The following ZNF131 variants were observed in gnomAD, a reference collection of about 807,000 sequenced individuals.
ZNF131 encodes zinc finger and BTB domain containing 35.
In ZNF131, 7 loss-of-function variants were observed where a neutral mutation model predicts 60.0. The observed-to-expected ratio is 0.12, with a 90% confidence interval of 0.07 to 0.22. The LOEUF (loss-of-function observed/expected upper bound fraction) is 0.22, where lower values mean the gene tolerates loss of function less well. Ranked by LOEUF, ZNF131 falls within the 10% of genes least tolerant of loss-of-function variation. ZNF131 has a pLI of 1.00. For synonymous variants in ZNF131, 257 were observed against 253.2 expected, an observed-to-expected ratio of 1.01 and a Z score of -0.14; for missense variants, 493 against 740.9, an observed-to-expected ratio of 0.67 and a Z score of 3.88.
At chr5:43,172,581 C>T (rs1172173021) in intron 5 of ZNF131, among the ~76,000 whole-genome samples, 1 of 150,768 alleles carries the variant, frequency 6.6e-6, no homozygotes, top group Admixed American at 6.6e-5. Flanking sequence ...GAGATTGTGC[C>T]ACTGCACTCC....
chr5:43,122,432 C>T (rs117922447), intron 2 of ZNF131, among the ~76,000 whole-genome samples: 1 of 152,254 alleles, frequency 6.6e-6, no homozygotes, highest in East Asian at 1.9e-4. Flanking sequence ...TTCTTACATC[C>T]TGTTGAGTGC....
chr5:43,129,298 C>G (rs1489138246), intron 3 of ZNF131, among the ~76,000 whole-genome samples: 10 of 152,240 alleles, frequency 6.6e-5, no homozygotes, highest in East Asian at 5.8e-4. Context: ...TCTTGAACTA[C>G]CAGCCTTAAG....
At position 43,127,875 on chromosome 5, in the gene ZNF131, A is replaced by C. The variant is rs557058455; in HGVS notation, c.226+4565A>C. Among the ~76,000 whole-genome samples, 3 of 152,278 alleles carry C rather than the reference A, an allele frequency of 2.0e-5. No homozygotes were observed. The East Asian group carries it at 5.8e-4, about 29-fold the overall frequency. ...AATTTTCTAAATTCATTCTTTTTCT[A>C]CTTCACCTGAAACCACAGATCCATG... On this transcript the variant is annotated intron_variant, in intron 3 of 6. Transcript: ENST00000682664.
intron 3 of ZNF131, among the ~76,000 whole-genome samples, chr5:43,138,713 A>G (rs1746440168): frequency 6.6e-6 from 1 of 152,140 alleles, no homozygotes. Flanking sequence ...GAAATAGTAT[A>G]TAGTGTGTGT....
chr5:43,138,173 A>G (rs1746368084), intron 3 of ZNF131, among the ~76,000 whole-genome samples: 1 of 152,226 alleles, frequency 6.6e-6, no homozygotes, highest in South Asian at 2.1e-4. Context: ...ACAACATTGT[A>G]CCTAGAGTCA....
At chr5:43,148,658 C>T (rs895416525) in intron 4 of ZNF131, among the ~76,000 whole-genome samples, 1 of 152,158 alleles carries the variant, frequency 6.6e-6, no homozygotes. Context: ...CATGCTACTA[C>T]TGTTAGGCCA....
intron 3 of ZNF131, among the ~76,000 whole-genome samples, chr5:43,137,092 C>T (rs1322758006): frequency 6.6e-6 from 1 of 151,920 alleles, no homozygotes; most frequent in East Asian, 1.9e-4. Context: ...AGACATAAGA[C>T]CAAAAAATGT....
At chr5:43,164,343 C>T (rs935130014) in intron 5 of ZNF131, among the ~76,000 whole-genome samples, 6 of 152,172 alleles carry the variant, frequency 3.9e-5, no homozygotes, top group African/African-American at 1.4e-4. Context: ...CAAGGGACGC[C>T]TACCTGTTTT....
In ZNF131 at chr5:43,175,719, T is replaced by TAA. The variant is rs59888761; in HGVS notation, c.*600_*601dup. On this transcript the variant is annotated 3_prime_UTR_variant, in exon 7 of 7. Transcript: ENST00000682664. ...GGTGGTGGCAAAATTTCTAGAATGT[T>TAA]AAAAAAAAAAAAAAATCCACACCCA... The TAA allele has an allele frequency of 0.01, 2,295 of 225,132 alleles. 7 individuals carry two copies. The highest frequency in any genetic ancestry group is 0.023 in the Middle Eastern group (14 of 610). 13.9% of individuals were successfully genotyped at this position (225,132 alleles called of 1,614,324 possible). A position where few individuals can be genotyped will look rare whatever the true frequency, so the allele number is the denominator to read the frequency against.
intron 5 of ZNF131, among the ~76,000 whole-genome samples, chr5:43,168,939 C>G (rs529035991): frequency 6.6e-6 from 1 of 152,046 alleles, no homozygotes; most frequent in Non-Finnish European, 1.5e-5. Flanking sequence ...GAAAAAAATA[C>G]GTAGATGAGT....
At chr5:43,126,073 C>G (rs961424166) in intron 3 of ZNF131, among the ~76,000 whole-genome samples, 26 of 152,306 alleles carry the variant, frequency 1.7e-4, no homozygotes, top group African/African-American at 6.3e-4. Context: ...AGCAAGGTCA[C>G]CTGGCTGTGG....
chr5:43,146,637 T>C (rs1195564523), intron 4 of ZNF131, among the ~76,000 whole-genome samples: 2 of 151,966 alleles, frequency 1.3e-5, no homozygotes, highest in African/African-American at 4.8e-5. Context: ...TCGGGCGCAG[T>C]GGTTCATGCC....
chr5:43,158,140 G>A (rs916548220), intron 4 of ZNF131, among the ~76,000 whole-genome samples: 1 of 151,952 alleles, frequency 6.6e-6, no homozygotes, highest in Non-Finnish European at 1.5e-5. Context: ...GGCTGATTTT[G>A]TATTTTTAGT....
chr5:43,134,389 C>T (rs1251998235), intron 3 of ZNF131, among the ~76,000 whole-genome samples: 2 of 152,120 alleles, frequency 1.3e-5, no homozygotes, highest in East Asian at 1.9e-4. Flanking sequence ...ATAATAAAGG[C>T]CCACAGCTAG....
intron 4 of ZNF131, among the ~76,000 whole-genome samples, chr5:43,154,357 T>G (rs939704105): frequency 4.6e-5 from 7 of 151,516 alleles, no homozygotes; most frequent in African/African-American, 1.7e-4. Context: ...GAGGTTGCTG[T>G]GAGCTGAGAT....
intron 5 of ZNF131, among the ~76,000 whole-genome samples, chr5:43,169,034 C>T (rs1044435394): frequency 9.8e-5 from 15 of 152,296 alleles, no homozygotes; most frequent in African/African-American, 3.4e-4. Context: ...TAGAGGTAAC[C>T]TTTAGCCATG....
Position 43,161,762 on chromosome 5 carries a change from A to G in ZNF131, c.885A>G (p.Lys295=), listed in dbSNP as rs752276513. 40 of 1,614,136 alleles carry G rather than the reference A, an allele frequency of 2.5e-5. No individual in the cohort carries two copies. The highest frequency in any genetic ancestry group is 3.3e-4 in the Middle Eastern group (2 of 6,084). The change falls in exon 5 of 7, where the codon AAA becomes AAG. Residue 295 remains lysine, a synonymous_variant. Transcript: ENST00000682664. ...GTTTCAAGTGTGAAATATGCAATAA[A>G]CGATATCTTCGAGAGAGCGCATGGA... The part of the protein sequence containing the change: ...TESFKCEICN[K]RYLRESAWKQ...
chr5:43,127,958 A>G (rs2112137973), intron 3 of ZNF131, among the ~76,000 whole-genome samples: 1 of 152,328 alleles, frequency 6.6e-6, no homozygotes, highest in Non-Finnish European at 1.5e-5. Context: ...TTTAGCCCCT[A>G]CTATCAAGAA....
chr5:43,175,406 A>G lies in ZNF131; in HGVS notation c.*273A>G, dbSNP rs1360882738. The stretch of plus-strand genomic sequence containing the variant: ...TATTCTTATTATATAGTTGGGTACG[A>G]ATGTATCTATTTTCATTGTGGTAAA... On this transcript the variant is annotated 3_prime_UTR_variant, in exon 7 of 7. Coordinates refer to ENST00000682664, the MANE Select transcript of ZNF131 (RefSeq NM_001330707.2). 11 of 694,666 alleles carry G rather than the reference A, an allele frequency of 1.6e-5. No individual in the cohort carries two copies. The highest frequency in any genetic ancestry group is 2.1e-5 in the Admixed American group (1 of 47,854). 43.0% of individuals were successfully genotyped at this position (694,666 alleles called of 1,614,324 possible). A position where few individuals can be genotyped will look rare whatever the true frequency, so the allele number is the denominator to read the frequency against.
Sources: allele counts gnomAD v4.1 joint callset (sites outside exome capture counted in the v4.1 genomes callset), GRCh38; gene constraint gnomAD v4.1.1; transcripts MANE v1.5; gene names NCBI Gene and HGNC (gene_info 2026-07-23, HGNC 2026-07-21).